The following RNF32 variants were observed in gnomAD, a reference collection of about 807,000 sequenced individuals.
The protein encoded by RNF32 is ring finger protein 32.
Under a neutral mutation model 41.0 loss-of-function variants are expected in RNF32, and 36 were observed. The ratio of observed to expected loss-of-function variants is 0.88; its 90% confidence interval spans 0.67 to 1.16. The LOEUF (loss-of-function observed/expected upper bound fraction) is 1.16. RNF32 is among the 50% of genes most tolerant of loss of function. The pLI, the probability that RNF32 is intolerant of heterozygous loss-of-function variation, is 0.00. For missense variants in RNF32, 413 were observed against 436.7 expected, an observed-to-expected ratio of 0.95 and a Z score of 0.48; for synonymous variants, 154 against 160.9, an observed-to-expected ratio of 0.96 and a Z score of 0.32.
Position 156,675,764 on chromosome 7 carries a change from C to A in RNF32, c.753C>A (p.Ile251=). 6.2e-7 allele frequency: 1 copy of A among 1,613,010 alleles called. No homozygotes were observed. The highest frequency in any genetic ancestry group is 8.5e-7 in the Non-Finnish European group (1 of 1,179,314). The change falls in exon 8 of 9, where the codon ATC becomes ATA. Residue 251 remains isoleucine (I), a synonymous_variant. Transcript: ENST00000317955. ...ACATTGAAGAGCTCTTTGCAGAAAT[C>A]GATCAGTGCTTGGCCATAAATCGAA... ...NTNIEELFAE[I]DQCLAINRSV... is the part of the protein sequence containing the mutation.
chr7:156,644,169 C>T (rs886913983), intron 2 of RNF32, among the ~76,000 whole-genome samples: 1 of 152,160 alleles, frequency 6.6e-6, no homozygotes, highest in Admixed American at 6.5e-5. Flanking sequence ...GCTGAAATGG[C>T]AGGAGTCTCC....
At chr7:156,659,922 G>A (rs1800355988) in intron 7 of RNF32, 3 of 985,328 alleles carry the variant, frequency 3.0e-6, no homozygotes, top group Non-Finnish European at 3.6e-6. Flanking sequence ...AGGGAGACCT[G>A]ATCAAACAAG....
intron 7 of RNF32, among the ~76,000 whole-genome samples, chr7:156,675,414 T>C (rs1040499076): frequency 1.3e-5 from 2 of 152,142 alleles, no homozygotes; most frequent in African/African-American, 4.8e-5. Flanking sequence ...CAAATTCCTT[T>C]GGGAAGGAAT....
At chr7:156,650,500 CATT>C (rs1248748640) in intron 3 of RNF32, among the ~76,000 whole-genome samples, 1 of 152,192 alleles carries the variant, frequency 6.6e-6, no homozygotes, top group Admixed American at 6.5e-5. Context: ...TGATTTTAAA[CATT>C]ATTACATTGT....
intron 1 of RNF32, among the ~76,000 whole-genome samples, chr7:156,643,598 A>G (rs995807625): frequency 3.9e-5 from 6 of 152,208 alleles, no homozygotes; most frequent in Non-Finnish European, 7.3e-5. Flanking sequence ...GGGGTGAACT[A>G]TTTGAGGACA....
Position 156,665,641 on chromosome 7 carries a change from A to G in RNF32, c.684+7071A>G, listed in dbSNP as rs370854751. The stretch of plus-strand genomic sequence containing the variant: ...AGAAATCAATCACATGACGCACTCC[A>G]AAGTTAAAGGTACGTCAGCGTCAGC... On this transcript the variant is annotated intron_variant, in intron 7 of 8. Coordinates refer to ENST00000317955, the MANE Select transcript of RNF32 (RefSeq NM_030936.4). Among the ~76,000 whole-genome samples the G allele has an allele frequency of 1.1e-3, 165 of 152,314 alleles. 1 individual carries two copies. The South Asian group carries it at 0.026, about 24-fold the overall frequency.
intron 3 of RNF32, among the ~76,000 whole-genome samples, chr7:156,646,065 T>TA (rs1797938042): frequency 1.3e-5 from 2 of 152,268 alleles, no homozygotes; most frequent in African/African-American, 2.4e-5. Context: ...CACACATTCT[T>TA]ACTGTGTATG....
chr7:156,658,729 A>T (rs1800133959), intron 7 of RNF32, 159 bp downstream of exon 7: 1 of 769,252 alleles, frequency 1.3e-6, no homozygotes, highest in Non-Finnish European at 2.1e-6. Flanking sequence ...GTTTAACTTT[A>T]GTTGGCTTTC....
intron 7 of RNF32, among the ~76,000 whole-genome samples, chr7:156,674,027 A>T (rs1392786251): frequency 6.6e-6 from 1 of 152,126 alleles, no homozygotes; most frequent in Non-Finnish European, 1.5e-5. Flanking sequence ...AATGTGTGAG[A>T]TCTCCACGGG....
chr7:156,641,863 T>TA, intron 1 of RNF32, among the ~76,000 whole-genome samples: 1 of 147,836 alleles, frequency 6.8e-6, no homozygotes, highest in Non-Finnish European at 1.5e-5. Context: ...GGGTGGAACT[T>TA]ATTTCAAACA....
Position 156,675,771 on chromosome 7 carries a change from T to G in RNF32, c.760T>G (p.Cys254Gly). 6.2e-7 allele frequency: 1 copy of G among 1,614,014 alleles called. No homozygotes were observed. Among genetic ancestry groups the G allele is most frequent in the South Asian group, 1.1e-5 (1 of 91,068 alleles). ...IEELFAEIDQ[C>G]LAINRSVLQQ... Reference sequence around the variant, plus strand: ...AGAGCTCTTTGCAGAAATCGATCAGTGCTTGGCCATAAATCGAAGTGTTCT... The same window carrying G: ...AGAGCTCTTTGCAGAAATCGATCAGGGCTTGGCCATAAATCGAAGTGTTCT... The change falls in exon 8 of 9, where the codon TGC becomes GGC. Residue 254 changes from cysteine (C) to glycine (G), a missense_variant. Physicochemically the swap from Cys to Gly is radical, Grantham distance 159. Coordinates refer to ENST00000317955, the MANE Select transcript of RNF32 (RefSeq NM_030936.4).
chr7:156,644,754 T>A lies in RNF32; in HGVS notation c.271T>A (p.Leu91Met). 1 of 1,604,786 alleles carries A rather than the reference T, an allele frequency of 6.2e-7. No individual in the cohort carries two copies. Among genetic ancestry groups the A allele is most frequent in the Non-Finnish European group, 8.5e-7 (1 of 1,178,244 alleles). The change falls in exon 3 of 9, where the codon TTG (leucine) becomes ATG (methionine). Residue 91 changes from leucine (L) to methionine (M), a missense_variant. Physicochemically the swap from Leu to Met is conservative, Grantham distance 15. Transcript: ENST00000317955. ...VLDPKPPPLT[L>M]AQKLGLIGPP... ...TGATCCCAAACCGCCGCCGTTGACT[T>A]TGGGTAAGCTGACGTAGTCATTCAT...
At chr7:156,651,570 T>A (rs1236343648) in intron 3 of RNF32, among the ~76,000 whole-genome samples, 1 of 152,210 alleles carries the variant, frequency 6.6e-6, no homozygotes, top group East Asian at 1.9e-4. Context: ...AATTTTCAGT[T>A]CTGGATATCT....
intron 3 of RNF32, chr7:156,646,566 TA>T: frequency 8.1e-7 from 1 of 1,230,302 alleles, no homozygotes; most frequent in Non-Finnish European, 1.1e-6. Context: ...TCCAGGTGAA[TA>T]AGAATTTTGA....
Position 156,675,854 on chromosome 7 carries a change from C to A in RNF32, c.843C>A (p.Ile281=), listed in dbSNP as rs147603822. ...HEITEEEWEK[I]QVQALRRETH... ...TCACAGAAGAGGAATGGGAGAAAAT[C>A]CAAGTGCAGGTAGGTTTGGCTGGCA... The change falls in exon 8 of 9, where the codon ATC becomes ATA. Residue 281 remains isoleucine, a synonymous_variant. Coordinates refer to ENST00000317955, the MANE Select transcript of RNF32 (RefSeq NM_030936.4). The A allele has an allele frequency of 5.6e-6, 9 of 1,613,360 alleles. No homozygotes were observed. In the African/African-American group the frequency reaches 9.3e-5, roughly 17 times the overall value.
Position 156,676,640 on chromosome 7 carries a change from G to A in RNF32, c.1074G>A (p.Lys358=), listed in dbSNP as rs1385042015. The change falls in exon 9 of 9, where the codon AAG becomes AAA. Residue 358 remains lysine (K), a synonymous_variant. Transcript: ENST00000317955. ...TCTGCCGCTCCTGCTACCAGAAGAA[G>A]ATTCTTGAATGTTGAATTCATAGTC... ...CPLCRSCYQK[K]ILEC 3.1e-6 allele frequency: 5 copies of A among 1,613,436 alleles called. No individual in the cohort carries two copies. The African/African-American group carries it at 6.7e-5, about 22-fold the overall frequency.
intron 7 of RNF32, among the ~76,000 whole-genome samples, chr7:156,662,497 C>A (rs1032874101): frequency 1.3e-5 from 2 of 152,026 alleles, no homozygotes; most frequent in African/African-American, 4.8e-5. Flanking sequence ...TCCAGATGAG[C>A]TGAGCATTTG....
At chr7:156,643,217 C>T (rs750936222) in intron 1 of RNF32, 2 of 152,310 alleles carry the variant, frequency 1.3e-5, no homozygotes, top group Non-Finnish European at 2.9e-5. Context: ...CAGCTGTGTC[C>T]AGTATCTTGC....
rs1238608811 is a variant in RNF32, at chr7:156,669,355, CAA to C, written c.685-6339_685-6338del. On this transcript the variant is annotated intron_variant, in intron 7 of 8. Coordinates refer to ENST00000317955, the MANE Select transcript of RNF32 (RefSeq NM_030936.4). This position sits in a 1 kb window ranked among gnomAD's most constrained non-coding sequence, Gnocchi z 4.2. ...AGAATAAGTGCCAGGAAGAAAAATG[CAA>C]AGAGAGGAAGGGGAGAGAGAGTGAA... 17 of 152,064 alleles carry C rather than the reference CAA, an allele frequency of 1.1e-4. No homozygotes were observed. Among genetic ancestry groups the C allele is most frequent in the Admixed American group, 1.1e-3 (17 of 15,270 alleles). The allele number at this position is 152,064 out of a possible 1,614,324, so 9.4% of individuals were successfully genotyped here.
Sources: allele counts gnomAD v4.1 joint callset (sites outside exome capture counted in the v4.1 genomes callset), GRCh38; gene constraint gnomAD v4.1.1; non-coding constraint Gnocchi (gnomAD v3.1); transcripts MANE v1.5; gene names NCBI Gene and HGNC (gene_info 2026-07-23, HGNC 2026-07-21).